The following TFDP2 variants were observed in gnomAD, a reference collection of about 807,000 sequenced individuals.
TFDP2 encodes the protein transcription factor Dp-2 (E2F dimerization partner 2).
In TFDP2, 17 loss-of-function variants were observed where a neutral mutation model predicts 59.3. That is an observed-to-expected ratio of 0.29 (90% CI 0.20 to 0.43). The LOEUF is 0.43. Ranked by LOEUF, TFDP2 falls within the 20% of genes least tolerant of loss-of-function variation. TFDP2 has a pLI of 1.00. For missense variants in TFDP2, 391 were observed against 528.8 expected (o/e 0.74, Z 2.56); for synonymous variants, 180 against 194.7 (o/e 0.92, Z 0.63).
At chr3:141,977,126 T>C (rs1364232338) in intron 7 of TFDP2, among the ~76,000 whole-genome samples, 7 of 114,870 alleles carry the variant, frequency 6.1e-5, no homozygotes, top group African/African-American at 2.0e-4. Context: ...TTTTTTTTTT[T>C]TTCCCCCCAA....
intron 1 of TFDP2, among the ~76,000 whole-genome samples, chr3:142,133,834 A>G (rs906485801): frequency 6.6e-6 from 1 of 150,984 alleles, no homozygotes; most frequent in African/African-American, 2.4e-5. Context: ...TTTTTAAACC[A>G]TGGTTTTACC....
In TFDP2 at chr3:141,959,714, C is replaced by T. The variant is rs554349970; in HGVS notation, c.1011G>A (p.Ala337=). The T allele has an allele frequency of 3.7e-5, 59 of 1,614,136 alleles. 1 individual carries two copies. The highest frequency in any genetic ancestry group is 2.7e-4 in the South Asian group (25 of 91,070). ...GKCSLEDLKL[A]KSLVPKALEG... ...CTAAAGCCTTTGGCACCAGGGATTT[C>T]GCAAGTTTCAGATCCTCCAGAGAGC... Residue 337 remains alanine (A), a synonymous_variant, in exon 11 of 13, where the codon GCG becomes GCA. Coordinates refer to ENST00000489671, the MANE Select transcript of TFDP2 (RefSeq NM_001178139.2).
intron 1 of TFDP2, among the ~76,000 whole-genome samples, chr3:142,113,682 A>G (rs943466338): frequency 3.3e-5 from 5 of 152,202 alleles, no homozygotes; most frequent in African/African-American, 1.2e-4. Flanking sequence ...GTGACCAACA[A>G]AAGATTCCAA....
Position 141,952,948 on chromosome 3 carries a change from A to C in TFDP2, c.1120T>G (p.Leu374Val). The change falls in exon 12 of 13, where the codon TTA becomes GTA. Residue 374 changes from leucine (L) to valine (V), a missense_variant. Leu to Val is a conservative substitution (Grantham distance 32). Around this residue, in one of 3 missense-constraint regions of TFDP2, gnomAD observed 223 missense variants for 292.5 expected, o/e 0.76. Coordinates refer to ENST00000489671, the MANE Select transcript of TFDP2 (RefSeq NM_001178139.2). ...LLNSTQSVSN[L>V]DLTTGATLPQ... is the part of the protein sequence containing the mutation. The stretch of plus-strand genomic sequence containing the variant: ...AAGGTGGCACCAGTGGTCAGGTCTA[A>C]ATTTGAAACTGATTGGGTAGAGTTC... 6.2e-7 allele frequency: 1 copy of C among 1,614,116 alleles called. No homozygotes were observed.
At chr3:142,083,364 A>C (rs2060705590) in intron 3 of TFDP2, among the ~76,000 whole-genome samples, 1 of 152,222 alleles carries the variant, frequency 6.6e-6, no homozygotes, top group East Asian at 1.9e-4. Context: ...GAGGACACAA[A>C]AAATGGAAAG....
intron 3 of TFDP2, among the ~76,000 whole-genome samples, chr3:142,091,657 T>C (rs2061000423): frequency 6.6e-6 from 1 of 152,184 alleles, no homozygotes; most frequent in South Asian, 2.1e-4. Context: ...CCCCAACCTT[T>C]TTTGGTACCA....
At position 141,945,097 on chromosome 3, in the gene TFDP2, A is replaced by C. The variant is rs1326339170; in HGVS notation, c.*7416T>G. 3 of 152,364 alleles carry C rather than the reference A, an allele frequency of 2.0e-5. No homozygotes were observed. The highest frequency in any genetic ancestry group is 3.9e-4 in the East Asian group (2 of 5,186). 9.4% of individuals were successfully genotyped at this position (152,364 alleles called of 1,614,324 possible). A position where few individuals can be genotyped will look rare whatever the true frequency, so the allele number is the denominator to read the frequency against. On this transcript the variant is annotated 3_prime_UTR_variant, in exon 13 of 13. Transcript: ENST00000489671. ...TAAAGCATTTTCAGATGAAAAGGTGAACAACCTAGTGGTTTGGGCTCATGG... is the reference window on the plus strand; with the variant it reads ...TAAAGCATTTTCAGATGAAAAGGTGCACAACCTAGTGGTTTGGGCTCATGG...
At chr3:141,973,154 T>C (rs1203693802) in intron 8 of TFDP2, among the ~76,000 whole-genome samples, 1 of 148,022 alleles carries the variant, frequency 6.8e-6, no homozygotes, top group Non-Finnish European at 1.5e-5. Context: ...AGTCTTGCTC[T>C]TGTCGCCTAG....
At chr3:142,094,248 G>T (rs2061091287) in intron 2 of TFDP2, among the ~76,000 whole-genome samples, 1 of 150,184 alleles carries the variant, frequency 6.7e-6, no homozygotes, top group African/African-American at 2.5e-5. Context: ...TTACAATTTT[G>T]TTACATTACA....
At position 141,960,662 on chromosome 3, in the gene TFDP2, C is replaced by T. The variant is rs140011110; in HGVS notation, c.885-822G>A. ...TAAGATAATTTGAATAACAGATTAT[C>T]TTAGAAGCAAAAATTATAATTTGAA... On this transcript the variant is annotated intron_variant, in intron 10 of 12. Transcript: ENST00000489671. Among the ~76,000 whole-genome samples the T allele has an allele frequency of 3.5e-3, 527 of 152,084 alleles. 3 individuals are homozygous for T. Among genetic ancestry groups the T allele is most frequent in the African/African-American group, 0.012 (508 of 41,482 alleles).
intron 1 of TFDP2, among the ~76,000 whole-genome samples, chr3:142,112,936 A>G (rs1320996749): frequency 3.9e-5 from 6 of 152,244 alleles, no homozygotes; most frequent in African/African-American, 1.4e-4. Flanking sequence ...ACTGAAAACA[A>G]AAGACTGAGG....
intron 3 of TFDP2, among the ~76,000 whole-genome samples, chr3:142,005,987 T>C (rs1944178962): frequency 6.6e-6 from 1 of 152,212 alleles, no homozygotes; most frequent in East Asian, 1.9e-4. Context: ...GATTTCTTTA[T>C]AGTATAAAAC....
rs368507393 is a variant in TFDP2, at chr3:141,962,264, A to G, written c.884+1548T>C. On this transcript the variant is annotated intron_variant, in intron 10 of 12. Coordinates refer to ENST00000489671, the MANE Select transcript of TFDP2 (RefSeq NM_001178139.2). ...CGGCCAAGAATCCACTCTTAAAAAA[A>G]AATTTATTGGTTCTGGTTTACTTCA... Among the ~76,000 whole-genome samples the G allele has an allele frequency of 1.5e-4, 23 of 152,122 alleles. No individual in the cohort carries two copies. The East Asian group carries it at 1.9e-3, about 13-fold the overall frequency.
chr3:141,970,929 G>T (rs979427474), intron 8 of TFDP2, among the ~76,000 whole-genome samples: 1 of 151,998 alleles, frequency 6.6e-6, no homozygotes, highest in East Asian at 1.9e-4. Context: ...GTGGTGGCGC[G>T]CATCTGTAGT....
At chr3:142,036,394 C>T (rs1946695218) in intron 3 of TFDP2, among the ~76,000 whole-genome samples, 1 of 152,206 alleles carries the variant, frequency 6.6e-6, no homozygotes, top group African/African-American at 2.4e-5. Context: ...ATATTCACAA[C>T]TATCTGAATA....
chr3:142,140,373 A>G (rs1339231659), intron 1 of TFDP2, among the ~76,000 whole-genome samples: 3 of 152,180 alleles, frequency 2.0e-5, no homozygotes, highest in Non-Finnish European at 4.4e-5. Context: ...TCAACTCATC[A>G]AAGTCATTCT....
At chr3:142,089,980 A>G (rs1278148624) in intron 3 of TFDP2, among the ~76,000 whole-genome samples, 1 of 152,158 alleles carries the variant, frequency 6.6e-6, no homozygotes, top group African/African-American at 2.4e-5. Context: ...CATCATTTCA[A>G]TTAAGAAAAA....
At chr3:142,080,605 T>C (rs553315176) in intron 3 of TFDP2, among the ~76,000 whole-genome samples, 5 of 152,098 alleles carry the variant, frequency 3.3e-5, no homozygotes, top group Non-Finnish European at 7.4e-5. Context: ...ACAAGAAACA[T>C]ACTTCACCAA....
At chr3:141,961,522 T>A (rs1169412135) in intron 10 of TFDP2, among the ~76,000 whole-genome samples, 1 of 151,914 alleles carries the variant, frequency 6.6e-6, no homozygotes, top group Non-Finnish European at 1.5e-5. Flanking sequence ...GGATTACAGG[T>A]GTGAGCCACC....
Sources: gnomAD v4.1 joint callset for allele counts (sites outside exome capture counted in the v4.1 genomes callset) on GRCh38, gnomAD v4.1.1 for gene constraint, gnomAD v4.1.1 regional missense constraint, MANE v1.5 for transcripts, NCBI Gene and HGNC (gene_info 2026-07-23, HGNC 2026-07-21) for gene names.